MARK4: variants seen among roughly 807,000 people sequenced by gnomAD.
MARK4 encodes the protein MAP/microtubule affinity-regulating kinase 4.
Under a neutral mutation model 81.5 loss-of-function variants are expected in MARK4, and 19 were observed. The observed-to-expected ratio is 0.23, with a 90% confidence interval of 0.16 to 0.34. MARK4 has a LOEUF of 0.34. Among genes scored for constraint, MARK4 ranks in the 10% least tolerant of loss-of-function variants. The pLI is 1.00. For synonymous variants in MARK4, 436 were observed against 439.0 expected, an observed-to-expected ratio of 0.99 and a Z score of 0.08; for missense variants, 772 against 1,058.8, an observed-to-expected ratio of 0.73 and a Z score of 3.76.
chr19:45,302,865 T>A lies in MARK4; in HGVS notation c.*155T>A. 8.2e-7 allele frequency: 1 copy of A among 1,223,126 alleles called. No homozygotes were observed. The highest frequency in any genetic ancestry group is 1.1e-6 in the Non-Finnish European group (1 of 900,330). 75.8% of individuals were successfully genotyped at this position (1,223,126 alleles called of 1,614,324 possible). A position where few individuals can be genotyped will look rare whatever the true frequency, so the allele number is the denominator to read the frequency against. ...AAAGATTGTCCCCTCTGCTGTTCTC[T>A]GGGGCCGCTCAGCACAGAAGAAGGA... On this transcript the variant is annotated 3_prime_UTR_variant, in exon 17 of 17. Transcript: ENST00000262891. The surrounding 1 kb of genome is among the most constrained non-coding windows in gnomAD (Gnocchi z 4.9).
chr19:45,287,685 G>T, intron 13 of MARK4, 21 bp downstream of exon 13: 1 of 1,597,858 alleles, frequency 6.3e-7, no homozygotes, highest in Non-Finnish European at 8.5e-7. Flanking sequence ...AGGGCTGGGG[G>T]GCAGGGCTGG....
chr19:45,290,151 C>T (rs1970802844), intron 13 of MARK4, among the ~76,000 whole-genome samples: 1 of 152,244 alleles, frequency 6.6e-6, no homozygotes, highest in Admixed American at 6.5e-5. Context: ...CTCGTACGTT[C>T]TTGAGAACAT....
At chr19:45,287,146 G>A (rs547925129) in intron 12 of MARK4, among the ~76,000 whole-genome samples, 2 of 149,400 alleles carry the variant, frequency 1.3e-5, no homozygotes, top group South Asian at 4.2e-4. Context: ...GGAGGTTGCA[G>A]TGAGCGGAGA....
In MARK4 at chr19:45,280,495, C is replaced by G; in HGVS notation, c.1116+12C>G. 6 of 1,614,082 alleles carry G rather than the reference C, an allele frequency of 3.7e-6. No homozygotes were observed. The highest frequency in any genetic ancestry group is 5.1e-6 in the Non-Finnish European group (6 of 1,179,966). On this transcript the variant is annotated intron_variant, in intron 11 of 16. Coordinates refer to ENST00000262891, the MANE Select transcript of MARK4 (RefSeq NM_001199867.2). The stretch of plus-strand genomic sequence containing the variant: ...GCAGGAAGACTGAGGTCAGGGGGCG[C>G]CAGGGGCCCTTGGGGACGCGTGATG...
At chr19:45,253,423 G>A (rs1194871721) in intron 1 of MARK4, among the ~76,000 whole-genome samples, 3 of 152,190 alleles carry the variant, frequency 2.0e-5, no homozygotes, top group Non-Finnish European at 4.4e-5. Flanking sequence ...TGTGTCCTCA[G>A]ACAACCAGTT....
chr19:45,269,188 G>A (rs1379760767), intron 7 of MARK4, among the ~76,000 whole-genome samples: 1 of 152,140 alleles, frequency 6.6e-6, no homozygotes, highest in South Asian at 2.1e-4. Context: ...AGACCAGCCT[G>A]GCCAACATGG....
chr19:45,294,294 A>G, intron 13 of MARK4, 55 bp from the exon 14 acceptor site: 6 of 1,529,078 alleles, frequency 3.9e-6, no homozygotes, highest in Non-Finnish European at 5.4e-6. Context: ...AAGAGGGAGA[A>G]GCTCAGGGGC....
At chr19:45,280,237 G>A in intron 10 of MARK4, 137 bp from the exon 11 acceptor site, 2 of 728,382 alleles carry the variant, frequency 2.7e-6, no homozygotes, top group Non-Finnish European at 4.8e-6. Flanking sequence ...GGGAGGCCGA[G>A]GCTGCAGTGA....
At position 45,251,616 on chromosome 19, in the gene MARK4, G is replaced by T; in HGVS notation, c.28G>T (p.Gly10Cys). ...GTCTTCGCGGACGGTGCTGGCCCCG[G>T]GCAACGATCGGAACTCGGACACGGT... MSSRTVLAPGNDRNSDTHGT... is the reference protein window; with the variant it reads MSSRTVLAPCNDRNSDTHGT... Residue 10 changes from glycine to cysteine, a missense_variant, in exon 1 of 17, where the codon GGC becomes TGC. Transcript: ENST00000262891. 1.5e-6 allele frequency: 2 copies of T among 1,354,034 alleles called. No homozygotes were observed. The highest frequency in any genetic ancestry group is 4.4e-5 in the East Asian group (1 of 22,806). 83.9% of individuals were successfully genotyped at this position (1,354,034 alleles called of 1,614,324 possible). A position where few individuals can be genotyped will look rare whatever the true frequency, so the allele number is the denominator to read the frequency against.
At chr19:45,286,091 C>T (rs2123085698) in intron 12 of MARK4, among the ~76,000 whole-genome samples, 1 of 152,240 alleles carries the variant, frequency 6.6e-6, no homozygotes, top group African/African-American at 2.4e-5. Flanking sequence ...GAGTCTCGCA[C>T]TGTTGCCAGA....
At chr19:45,275,688 C>T (rs962583199) in intron 8 of MARK4, among the ~76,000 whole-genome samples, 2 of 152,204 alleles carry the variant, frequency 1.3e-5, no homozygotes, top group African/African-American at 4.8e-5. Context: ...AAGGCTCTGC[C>T]ACTTTCTGGC....
At chr19:45,253,723 A>T (rs1369610281) in intron 1 of MARK4, among the ~76,000 whole-genome samples, 1 of 152,124 alleles carries the variant, frequency 6.6e-6, no homozygotes, top group Non-Finnish European at 1.5e-5. Context: ...TGCAGGAGCC[A>T]GCGACGTGAT....
intron 2 of MARK4, among the ~76,000 whole-genome samples, chr19:45,260,759 G>C (rs1207892014): frequency 6.6e-6 from 1 of 152,070 alleles, no homozygotes; most frequent in African/African-American, 2.4e-5. Flanking sequence ...ATAAACCTGA[G>C]CTGCCTCTCT....
intron 12 of MARK4, among the ~76,000 whole-genome samples, chr19:45,285,254 C>T (rs912631480): frequency 3.1e-5 from 4 of 128,984 alleles, no homozygotes; most frequent in Admixed American, 2.6e-4. Context: ...GCCAGACTGC[C>T]GTGTCTCAAA....
intron 2 of MARK4, among the ~76,000 whole-genome samples, chr19:45,260,118 G>A (rs1970362161): frequency 6.6e-6 from 1 of 151,804 alleles, no homozygotes; most frequent in Admixed American, 6.6e-5. Context: ...GGCCGTGCGC[G>A]GTGGCTCACT....
At position 45,301,557 on chromosome 19, in the gene MARK4, CAAA is replaced by C. The variant is rs10630193; in HGVS notation, c.1923-797_1923-795del. ...GGGCGACAAGAGCGAAACTCTGTCT[CAAA>C]AAAAAAAAAAAAAAAAAAAGCCGGG... is the stretch of plus-strand genomic sequence containing the variant. On this transcript the variant is annotated intron_variant, in intron 16 of 16. Coordinates refer to ENST00000262891, the MANE Select transcript of MARK4 (RefSeq NM_001199867.2). Among the ~76,000 whole-genome samples the C allele has an allele frequency of 2.6e-3, 128 of 49,506 alleles. 2 individuals are homozygous for C. Among genetic ancestry groups the C allele is most frequent in the African/African-American group, 4.7e-3 (54 of 11,472 alleles). 32.5% of individuals were successfully genotyped at this position (49,506 alleles called of 152,430 possible). A position where few individuals can be genotyped will look rare whatever the true frequency, so the allele number is the denominator to read the frequency against.
At position 45,294,335 on chromosome 19, in the gene MARK4, T is replaced by C. The variant is rs34313092; in HGVS notation, c.1495-14T>C. On this transcript the variant is annotated splice_polypyrimidine_tract_variant and intron_variant, in intron 13 of 16. Coordinates refer to ENST00000262891, the MANE Select transcript of MARK4 (RefSeq NM_001199867.2). The stretch of plus-strand genomic sequence containing the variant: ...TTCACCCCCTCACTCCCTTCCTGGC[T>C]GTGTCTCCTGCAGAACAACCTCCCT... 381,777 of 1,612,470 alleles carry C rather than the reference T, an allele frequency of 0.24. 48,044 individuals carry two copies. Among genetic ancestry groups the C allele is most frequent in the Non-Finnish European group, 0.27 (314,061 of 1,178,716 alleles).
intron 14 of MARK4, 30 bp from the exon 15 acceptor site, chr19:45,297,646 C>A: frequency 6.8e-7 from 1 of 1,468,730 alleles, no homozygotes; most frequent in East Asian, 2.3e-5. Flanking sequence ...CCTCAGTCCC[C>A]CACCCTGACT....
At chr19:45,259,327 C>A (rs1312260930) in intron 2 of MARK4, 138 bp downstream of exon 2, 9 of 881,816 alleles carry the variant, frequency 1.0e-5, no homozygotes, top group African/African-American at 1.7e-5. Context: ...TGGGACAGGT[C>A]ACAATATCTC....
Sources: gnomAD v4.1 joint callset for allele counts (sites outside exome capture counted in the v4.1 genomes callset) on GRCh38, gnomAD v4.1.1 for gene constraint, Gnocchi (gnomAD v3.1) non-coding constraint, MANE v1.5 for transcripts, NCBI Gene and HGNC (gene_info 2026-07-23, HGNC 2026-07-21) for gene names.